Variants in HDAC9 observed in about 807,000 individuals in gnomAD.
The protein encoded by HDAC9 is MEF-2 interacting transcription repressor (MITR) protein.
HDAC9 carries 41 observed loss-of-function variants against 139.4 expected under a neutral mutation model. That is an observed-to-expected ratio of 0.29 (90% CI 0.23 to 0.38). The LOEUF is 0.38. Among genes scored for constraint, HDAC9 ranks in the 10% least tolerant of loss-of-function variants. The pLI is 1.00. For synonymous variants in HDAC9, 517 were observed against 476.2 expected (o/e 1.09, Z -1.12); for missense variants, 1,147 against 1,297.0 (o/e 0.88, Z 1.78).
intron 8 of HDAC9, among the ~76,000 whole-genome samples, chr7:18,643,111 T>C (rs1786247028): frequency 6.6e-6 from 1 of 152,150 alleles, no homozygotes; most frequent in Admixed American, 6.5e-5. Context: ...ATATGTTCCT[T>C]TTGTTCTTGT....
intron 17 of HDAC9, among the ~76,000 whole-genome samples, chr7:18,810,647 C>A (rs1296482731): frequency 6.6e-6 from 1 of 151,860 alleles, no homozygotes; most frequent in Non-Finnish European, 1.5e-5. Context: ...ATATTTAAAT[C>A]ACCCCAGAAA....
At chr7:18,391,049 A>G (rs979932682) in intron 1 of HDAC9, among the ~76,000 whole-genome samples, 3 of 152,140 alleles carry the variant, frequency 2.0e-5, no homozygotes, top group South Asian at 2.1e-4. Context: ...AGATTGTGCC[A>G]TTGCACTCCA....
intron 17 of HDAC9, among the ~76,000 whole-genome samples, chr7:18,813,234 A>G (rs1323504824): frequency 6.6e-6 from 1 of 152,124 alleles, no homozygotes; most frequent in Non-Finnish European, 1.5e-5. Flanking sequence ...AAAGAAAAAG[A>G]AACAGTGGAG....
At chr7:18,123,460 G>T (rs940191310) in intron 1 of HDAC9, among the ~76,000 whole-genome samples, 1 of 152,120 alleles carries the variant, frequency 6.6e-6, no homozygotes, top group East Asian at 1.9e-4. Flanking sequence ...ACCCACAAAA[G>T]CCTATTTAAA....
At chr7:18,555,738 C>T (rs1388801130) in intron 2 of HDAC9, among the ~76,000 whole-genome samples, 2 of 151,742 alleles carry the variant, frequency 1.3e-5, no homozygotes, top group Non-Finnish European at 2.9e-5. Context: ...TAATAATAAA[C>T]GATATTTTTA....
intron 22 of HDAC9, among the ~76,000 whole-genome samples, chr7:18,911,210 C>A (rs1802709589): frequency 6.8e-6 from 1 of 146,102 alleles, no homozygotes; most frequent in African/African-American, 2.5e-5. Flanking sequence ...GTATCTATTT[C>A]CTCTAGGTTT....
Position 18,808,998 on chromosome 7 carries a change from A to G in HDAC9, c.2322+15546A>G, listed in dbSNP as rs62446635. 6.2e-3 allele frequency among the ~76,000 whole-genome samples: 943 copies of G among 152,220 alleles called. 4 individuals are homozygous for G. Among genetic ancestry groups the G allele is most frequent in the Non-Finnish European group, 8.9e-3 (607 of 67,970 alleles). The stretch of plus-strand genomic sequence containing the variant: ...TCCTGGCATAAAAATGAACATATAG[A>G]CCAATGGAATAGAATGGAGAGCCCA... On this transcript the variant is annotated intron_variant, in intron 17 of 25. Transcript: ENST00000686413.
intron 2 of HDAC9, among the ~76,000 whole-genome samples, chr7:18,266,449 C>T (rs1318159401): frequency 1.3e-5 from 2 of 152,090 alleles, no homozygotes; most frequent in South Asian, 2.1e-4. Context: ...GCTAGTTTGG[C>T]TTGCAACTCA....
At chr7:18,893,172 G>T (rs1220418777) in intron 22 of HDAC9, among the ~76,000 whole-genome samples, 1 of 152,010 alleles carries the variant, frequency 6.6e-6, no homozygotes, top group African/African-American at 2.4e-5. Flanking sequence ...CATATTGATG[G>T]TGACAGTAGT....
intron 25 of HDAC9, among the ~76,000 whole-genome samples, chr7:18,989,800 G>C (rs13238221): frequency 0.66 from 47,290 of 71,266 alleles, 16,897 homozygotes; most frequent in African/African-American, 0.73. Context: ...TCATTTCATT[G>C]ATTTCATCTT....
intron 1 of HDAC9, among the ~76,000 whole-genome samples, chr7:18,103,521 T>C (rs1294441981): frequency 6.6e-6 from 1 of 152,124 alleles, no homozygotes; most frequent in East Asian, 1.9e-4. Flanking sequence ...CCCCGGTGCC[T>C]ATTGTTCATA....
intron 2 of HDAC9, among the ~76,000 whole-genome samples, chr7:18,263,613 C>CTT (rs33938966): frequency 0.31 from 45,508 of 146,262 alleles, 7,857 homozygotes; most frequent in African/African-American, 0.45. Context: ...TTATAATTGA[C>CTT]TTTTTTTTTT....
chr7:18,154,023 T>C (rs951011230), intron 1 of HDAC9, among the ~76,000 whole-genome samples: 2 of 152,242 alleles, frequency 1.3e-5, no homozygotes, highest in Non-Finnish European at 2.9e-5. Flanking sequence ...TTAAGGTCTA[T>C]TGAAATTCCC....
At chr7:18,779,143 G>C (rs1237262285) in intron 16 of HDAC9, among the ~76,000 whole-genome samples, 1 of 152,014 alleles carries the variant, frequency 6.6e-6, no homozygotes, top group Non-Finnish European at 1.5e-5. Flanking sequence ...ACCTACAACT[G>C]ATCCCAAAGG....
At chr7:18,106,255 CA>C (rs983966363) in intron 1 of HDAC9, among the ~76,000 whole-genome samples, 13 of 152,080 alleles carry the variant, frequency 8.5e-5, no homozygotes, top group South Asian at 6.2e-4. Context: ...CAGTGAAAAA[CA>C]AAACAAAAAC....
At chr7:18,516,849 A>G (rs905615494) in intron 2 of HDAC9, among the ~76,000 whole-genome samples, 1 of 146,610 alleles carries the variant, frequency 6.8e-6, no homozygotes, top group Non-Finnish European at 1.5e-5. Flanking sequence ...TGACAGAGTC[A>G]GACTCCATTT....
At chr7:18,471,132 G>C (rs895594575) in intron 1 of HDAC9, among the ~76,000 whole-genome samples, 1 of 152,000 alleles carries the variant, frequency 6.6e-6, no homozygotes, top group Admixed American at 6.6e-5. Context: ...TTCAAAAATG[G>C]AAATGCTGAA....
At chr7:18,122,720 G>A (rs1784429926) in intron 1 of HDAC9, among the ~76,000 whole-genome samples, 1 of 152,146 alleles carries the variant, frequency 6.6e-6, no homozygotes, top group South Asian at 2.1e-4. Context: ...CCAAGTTCAA[G>A]CGATTCTCCT....
At chr7:18,735,081 G>A (rs775264487) in intron 13 of HDAC9, among the ~76,000 whole-genome samples, 2 of 152,142 alleles carry the variant, frequency 1.3e-5, no homozygotes, top group Non-Finnish European at 2.9e-5. Flanking sequence ...TTTTGATGTG[G>A]TTGTTTGATT....
Sources: gnomAD v4.1 joint callset for allele counts (sites outside exome capture counted in the v4.1 genomes callset) on GRCh38, gnomAD v4.1.1 for gene constraint, MANE v1.5 for transcripts, NCBI Gene and HGNC (gene_info 2026-07-23, HGNC 2026-07-21) for gene names.